C10orf88: variants seen among roughly 807,000 people sequenced by gnomAD.
C10orf88 encodes the protein chromosome 10 open reading frame 88.
C10orf88 carries 29 observed loss-of-function variants against 34.2 expected under a neutral mutation model. The ratio of observed to expected loss-of-function variants is 0.85; its 90% CI spans 0.63 to 1.16. The LOEUF is 1.16. C10orf88 is among the 50% of genes most tolerant of loss of function. C10orf88 has a pLI of 0.00. For synonymous variants in C10orf88, 194 were observed against 197.4 expected, an observed-to-expected ratio of 0.98 and a Z score of 0.15; for missense variants, 507 against 533.2, an observed-to-expected ratio of 0.95 and a Z score of 0.48.
In C10orf88 at chr10:122,941,883, G is replaced by A. The variant is rs879092500; in HGVS notation, c.649-3724C>T. Reference sequence around the variant, plus strand: ...GTTGGCTGAGGGTGGGGTGGCATGGGGGAGAGCCTTCTGTGTTGCTACATG... The same window carrying A: ...GTTGGCTGAGGGTGGGGTGGCATGGAGGAGAGCCTTCTGTGTTGCTACATG... On this transcript the variant is annotated intron_variant, in intron 4 of 5. Coordinates refer to ENST00000481909, the MANE Select transcript of C10orf88 (RefSeq NM_024942.4). 3.3e-5 allele frequency among the ~76,000 whole-genome samples: 5 copies of A among 152,048 alleles called. No individual in the cohort carries two copies. In the East Asian group the frequency reaches 5.8e-4, roughly 18 times the overall value.
rs1305204231 is a variant in C10orf88, at chr10:122,948,735, T to C, written c.562A>G (p.Lys188Glu). The C allele has an allele frequency of 4.3e-6, 7 of 1,613,892 alleles. No homozygotes were observed. The East Asian group carries it at 6.7e-5, about 15-fold the overall frequency. Residue 188 changes from lysine (K) to glutamate (E), a missense_variant, in exon 4 of 6, where the codon AAG becomes GAG. Coordinates refer to ENST00000481909, the MANE Select transcript of C10orf88 (RefSeq NM_024942.4). ...PALGSRIDLDKVQTIMESMGS... is the reference protein window; with the variant it reads ...PALGSRIDLDEVQTIMESMGS... ...ATGGACTCCATTATGGTTTGGACCT[T>C]GTCAAGGTCTATCCTTGATCCTAGA...
chr10:122,943,480 T>C (rs1249446693), intron 4 of C10orf88, among the ~76,000 whole-genome samples: 7 of 150,122 alleles, frequency 4.7e-5, no homozygotes, highest in African/African-American at 1.2e-4. Flanking sequence ...ACTTCATGTC[T>C]AAAACACCAA....
chr10:122,934,229 C>T (rs1425605686), intron 5 of C10orf88, among the ~76,000 whole-genome samples: 1 of 152,038 alleles, frequency 6.6e-6, no homozygotes, highest in African/African-American at 2.4e-5. Flanking sequence ...TAGTTCTATG[C>T]CATTTTATCA....
chr10:122,941,992 T>C (rs1344318589), intron 4 of C10orf88, among the ~76,000 whole-genome samples: 2 of 152,118 alleles, frequency 1.3e-5, no homozygotes, highest in Non-Finnish European at 2.9e-5. Flanking sequence ...AAAACATTTT[T>C]AATTTTTACC....
At chr10:122,943,152 C>T (rs1393672850) in intron 4 of C10orf88, among the ~76,000 whole-genome samples, 1 of 148,688 alleles carries the variant, frequency 6.7e-6, no homozygotes, top group Non-Finnish European at 1.5e-5. Flanking sequence ...ACCAAAACAG[C>T]ATGGTACTGG....
chr10:122,931,160 A>C lies in C10orf88; in HGVS notation c.*1267T>G, dbSNP rs534477259. The C allele has an allele frequency of 2.6e-5, 4 of 152,208 alleles. No homozygotes were observed. Among genetic ancestry groups the C allele is most frequent in the Admixed American group, 1.3e-4 (2 of 15,286 alleles). 9.4% of individuals were successfully genotyped at this position (152,208 alleles called of 1,614,324 possible). ...TCTGGTCACTGTCATGGCGATTGTC[A>C]ACTGTCATGGAGCTAGCAGGAGCGT... On this transcript the variant is annotated 3_prime_UTR_variant, in exon 6 of 6. Transcript: ENST00000481909.
At chr10:122,949,584 T>C (rs187404120) in intron 3 of C10orf88, among the ~76,000 whole-genome samples, 1 of 152,350 alleles carries the variant, frequency 6.6e-6, no homozygotes, top group Non-Finnish European at 1.5e-5. Flanking sequence ...CTGAGCAGGA[T>C]GGCAGGAGAT....
At chr10:122,944,250 T>C (rs1298151693) in intron 4 of C10orf88, among the ~76,000 whole-genome samples, 1 of 151,662 alleles carries the variant, frequency 6.6e-6, no homozygotes, top group African/African-American at 2.4e-5. Flanking sequence ...TTGGAAACCA[T>C]CATTCTCAGT....
chr10:122,953,108 G>A, intron 1 of C10orf88, 76 bp from the exon 2 acceptor site: 2 of 1,236,282 alleles, frequency 1.6e-6, no homozygotes, highest in Non-Finnish European at 2.3e-6. Flanking sequence ...GACGGAGTCT[G>A]GCTCTGTCGC....
intron 3 of C10orf88, 141 bp from the exon 4 acceptor site, chr10:122,948,996 A>G (rs1848666098): frequency 1.4e-6 from 1 of 724,280 alleles, no homozygotes; most frequent in Admixed American, 3.2e-5. Context: ...ACTTTTCTCT[A>G]GAACAGCAAT....
At chr10:122,952,539 A>C (rs754913024) in intron 2 of C10orf88, among the ~76,000 whole-genome samples, 4 of 152,208 alleles carry the variant, frequency 2.6e-5, no homozygotes, top group African/African-American at 7.2e-5. Flanking sequence ...AAAGAGACAC[A>C]CTTCTCAAAA....
At chr10:122,942,884 C>G (rs1473889122) in intron 4 of C10orf88, among the ~76,000 whole-genome samples, 103 of 143,296 alleles carry the variant, frequency 7.2e-4, no homozygotes, top group South Asian at 1.4e-3. Flanking sequence ...AGGATACAAA[C>G]AAATGGAAGA....
Position 122,952,811 on chromosome 10 carries a change from C to T in C10orf88, c.368+18G>A, listed in dbSNP as rs772683115. 11 of 1,613,154 alleles carry T rather than the reference C, an allele frequency of 6.8e-6. No individual in the cohort carries two copies. The East Asian group carries it at 1.3e-4, about 20-fold the overall frequency. ...ACACTACTTCAGAAGAACACTTTCC[C>T]GTGTACAAGTCACACACCTGTCATC... On this transcript the variant is annotated intron_variant, in intron 2 of 5. Coordinates refer to ENST00000481909, the MANE Select transcript of C10orf88 (RefSeq NM_024942.4).
intron 4 of C10orf88, among the ~76,000 whole-genome samples, chr10:122,939,951 G>C (rs558509505): frequency 7.3e-4 from 111 of 151,992 alleles, no homozygotes; most frequent in African/African-American, 2.6e-3. Context: ...CATTGGTTAA[G>C]AATGTAAAAT....
intron 5 of C10orf88, among the ~76,000 whole-genome samples, chr10:122,934,249 A>G (rs1176764325): frequency 6.6e-6 from 1 of 152,164 alleles, no homozygotes; most frequent in Non-Finnish European, 1.5e-5. Flanking sequence ...ATATGTACAC[A>G]TATTTATTTA....
intron 4 of C10orf88, among the ~76,000 whole-genome samples, chr10:122,944,702 T>G (rs1262693959): frequency 6.6e-6 from 1 of 151,998 alleles, no homozygotes; most frequent in Non-Finnish European, 1.5e-5. Context: ...TTCAATGGAG[T>G]GTACTTGAAA....
intron 1 of C10orf88, 61 bp downstream of exon 1, chr10:122,953,952 AGC>A (rs1033884260): frequency 1.4e-6 from 2 of 1,428,286 alleles, no homozygotes; most frequent in African/African-American, 3.0e-5. Flanking sequence ...CTCCCCTCAC[AGC>A]TCCCCTAGAA....
intron 5 of C10orf88, among the ~76,000 whole-genome samples, chr10:122,936,203 G>A (rs972375214): frequency 1.7e-4 from 26 of 151,888 alleles, no homozygotes; most frequent in African/African-American, 5.8e-4. Flanking sequence ...TGGTTTTGGG[G>A]AAATTAATCC....
intron 4 of C10orf88, 96 bp from the exon 5 acceptor site, chr10:122,938,255 C>G (rs944529001): frequency 2.2e-5 from 23 of 1,028,748 alleles, no homozygotes; most frequent in Non-Finnish European, 3.1e-5. Flanking sequence ...ATTGTTTCAT[C>G]CAATCCTCAA....
Sources: gnomAD v4.1 joint callset for allele counts (sites outside exome capture counted in the v4.1 genomes callset) on GRCh38, gnomAD v4.1.1 for gene constraint, MANE v1.5 for transcripts, NCBI Gene and HGNC (gene_info 2026-07-23, HGNC 2026-07-21) for gene names.